The following IQGAP2 variants were observed in gnomAD, a reference collection of about 807,000 sequenced individuals.
IQGAP2 encodes IQ motif containing GTPase activating protein 2.
In IQGAP2, 173 loss-of-function variants were observed where a neutral mutation model predicts 201.3. The ratio of observed to expected loss-of-function variants is 0.86; its 90% confidence interval spans 0.76 to 0.98. The LOEUF (loss-of-function observed/expected upper bound fraction) is 0.98, where lower values mean the gene tolerates loss of function less well. Ranked by LOEUF, IQGAP2 falls within the 50% of genes least tolerant of loss-of-function variation. The pLI, the probability that IQGAP2 is intolerant of heterozygous loss-of-function variation, is 0.00. For synonymous variants in IQGAP2, 675 were observed against 673.9 expected, an observed-to-expected ratio of 1.00 and a Z score of -0.03; for missense variants, 1,687 against 1,864.8, an observed-to-expected ratio of 0.90 and a Z score of 1.76.
Position 76,665,088 on chromosome 5 carries a change from T to C in IQGAP2, c.2592T>C (p.Asn864=), listed in dbSNP as rs762323783. 9 of 1,603,790 alleles carry C rather than the reference T, an allele frequency of 5.6e-6. No individual in the cohort carries two copies. Among genetic ancestry groups the C allele is most frequent in the Non-Finnish European group, 4.3e-6 (5 of 1,170,830 alleles). The change falls in exon 22 of 36, where the codon AAT becomes AAC. Residue 864 remains asparagine, a synonymous_variant. Coordinates refer to ENST00000274364, the MANE Select transcript of IQGAP2 (RefSeq NM_006633.5). ...KKKGGEMEIL[N]NTDNQGIKSL... is the part of the protein sequence containing the mutation. ...AAGGAGGAGAAATGGAAATACTGAA[T>C]AACACCGACAACCAAGGAATAAAAA... is the stretch of plus-strand genomic sequence containing the variant.
At chr5:76,471,374 A>AC (rs1755092987) in intron 2 of IQGAP2, among the ~76,000 whole-genome samples, 10 of 104,232 alleles carry the variant, frequency 9.6e-5, no homozygotes, top group Non-Finnish European at 1.2e-4. Flanking sequence ...CAAAAAAAAA[A>AC]AAAAAAAAAA....
At chr5:76,692,353 T>C (rs1360989779) in intron 30 of IQGAP2, among the ~76,000 whole-genome samples, 7 of 152,226 alleles carry the variant, frequency 4.6e-5, no homozygotes, top group Non-Finnish European at 7.3e-5. Context: ...GGTTTCGCCA[T>C]GTTGGCCAGG....
intron 32 of IQGAP2, 91 bp from the exon 33 acceptor site, chr5:76,697,896 T>C: frequency 1.1e-6 from 1 of 936,260 alleles, no homozygotes; most frequent in Non-Finnish European, 1.6e-6. Flanking sequence ...AATAGCGACT[T>C]ACTACTGCTT....
chr5:76,521,820 G>C (rs1019674200), intron 2 of IQGAP2, among the ~76,000 whole-genome samples: 2 of 152,170 alleles, frequency 1.3e-5, no homozygotes, highest in Non-Finnish European at 2.9e-5. Flanking sequence ...TGGTTCTATA[G>C]ATCTGGGATA....
chr5:76,468,434 T>C (rs1212309363), intron 2 of IQGAP2, among the ~76,000 whole-genome samples: 1 of 152,198 alleles, frequency 6.6e-6, no homozygotes, highest in Non-Finnish European at 1.5e-5. Context: ...TTATGTTTGC[T>C]CTGTTAATCT....
chr5:76,437,712 C>T (rs1038139228), intron 1 of IQGAP2, among the ~76,000 whole-genome samples: 5 of 152,206 alleles, frequency 3.3e-5, no homozygotes, highest in African/African-American at 1.2e-4. Context: ...AGTCTCATTC[C>T]TTTTTATGGC....
chr5:76,583,825 T>C (rs1329353828), intron 5 of IQGAP2, among the ~76,000 whole-genome samples: 2 of 152,180 alleles, frequency 1.3e-5, no homozygotes, highest in Admixed American at 1.3e-4. Context: ...CAAACCTATA[T>C]TTTGTGGTAG....
chr5:76,574,924 G>A (rs756516813), intron 4 of IQGAP2, among the ~76,000 whole-genome samples: 2 of 152,074 alleles, frequency 1.3e-5, no homozygotes, highest in African/African-American at 2.4e-5. Context: ...AAATATAAAC[G>A]AATCATATAC....
At chr5:76,588,242 G>A (rs1449889993) in intron 5 of IQGAP2, among the ~76,000 whole-genome samples, 1 of 152,134 alleles carries the variant, frequency 6.6e-6, no homozygotes, top group East Asian at 1.9e-4. Flanking sequence ...AGTGGGGAAA[G>A]CACATATATT....
At chr5:76,641,953 C>T (rs1188969202) in intron 17 of IQGAP2, among the ~76,000 whole-genome samples, 1 of 152,114 alleles carries the variant, frequency 6.6e-6, no homozygotes, top group Non-Finnish European at 1.5e-5. Flanking sequence ...AAACATTTGT[C>T]TTCTTGTATC....
At chr5:76,611,806 A>G (rs1748435405) in intron 13 of IQGAP2, among the ~76,000 whole-genome samples, 1 of 152,160 alleles carries the variant, frequency 6.6e-6, no homozygotes, top group Admixed American at 6.5e-5. Context: ...GAGCCCCACA[A>G]AGACTGGCCT....
chr5:76,482,569 C>T (rs1755852378), intron 2 of IQGAP2, among the ~76,000 whole-genome samples: 2 of 151,996 alleles, frequency 1.3e-5, no homozygotes, highest in African/African-American at 4.8e-5. Flanking sequence ...ATGTTAATAC[C>T]CAGGACTAAA....
intron 1 of IQGAP2, among the ~76,000 whole-genome samples, chr5:76,448,082 A>C (rs35145043): frequency 0.34 from 52,077 of 151,924 alleles, 9,596 homozygotes; most frequent in Middle Eastern, 0.44. Flanking sequence ...TGCATCTCCT[A>C]AGGGTAGCGT....
At chr5:76,657,739 G>A (rs1327861934) in intron 20 of IQGAP2, among the ~76,000 whole-genome samples, 2 of 152,158 alleles carry the variant, frequency 1.3e-5, no homozygotes, top group African/African-American at 2.4e-5. Flanking sequence ...GGAAATTAAA[G>A]CCTAAAGTTC....
rs754284130 is a variant in IQGAP2 at position 76,707,272 on chromosome 5, C to A, written c.4687C>A (p.Leu1563Ile). The A allele has an allele frequency of 1.9e-6, 3 of 1,578,756 alleles. No individual in the cohort carries two copies. Among genetic ancestry groups the A allele is most frequent in the East Asian group, 2.2e-5 (1 of 44,674 alleles). The change falls in exon 36 of 36, where the codon CTT becomes ATT. Residue 1563 changes from leucine to isoleucine, a missense_variant. Physicochemically the swap from Leu to Ile is conservative, Grantham distance 5 (BLOSUM62 2). Transcript: ENST00000274364. ...TGATAAGGTTAAAGTGAATGTAAAC[C>A]TTCTCATATACCTGCTGAACAAGAA... is the stretch of plus-strand genomic sequence containing the variant. Reference protein sequence around the residue: ...MFDKVKVNVNLLIYLLNKKFY... With the variant: ...MFDKVKVNVNILIYLLNKKFY...
At chr5:76,545,793 G>A (rs538967229) in intron 2 of IQGAP2, among the ~76,000 whole-genome samples, 13 of 152,158 alleles carry the variant, frequency 8.5e-5, no homozygotes, top group East Asian at 3.8e-4. Context: ...GACAAAAAGT[G>A]CATGTACTTT....
At chr5:76,406,768 A>T (rs1469784653) in intron 1 of IQGAP2, among the ~76,000 whole-genome samples, 1 of 152,252 alleles carries the variant, frequency 6.6e-6, no homozygotes, top group Non-Finnish European at 1.5e-5. Flanking sequence ...CCCAATCAAC[A>T]CTTAAGTGAC....
intron 2 of IQGAP2, among the ~76,000 whole-genome samples, chr5:76,528,207 G>GC (rs1335804171): frequency 8.5e-5 from 13 of 152,060 alleles, no homozygotes; most frequent in African/African-American, 3.1e-4. Flanking sequence ...TCCATTCTTG[G>GC]CCCACACTGC....
At chr5:76,670,526 A>G (rs1446760266) in intron 23 of IQGAP2, among the ~76,000 whole-genome samples, 1 of 152,194 alleles carries the variant, frequency 6.6e-6, no homozygotes, top group Non-Finnish European at 1.5e-5. Context: ...AAAATAAAAT[A>G]AACAAAACTA....
Sources: allele counts gnomAD v4.1 joint callset (sites outside exome capture counted in the v4.1 genomes callset), GRCh38; gene constraint gnomAD v4.1.1; transcripts MANE v1.5; gene names NCBI Gene and HGNC (gene_info 2026-07-23, HGNC 2026-07-21).